MYO7A: variants seen among roughly 807,000 people sequenced by gnomAD.
MYO7A encodes the protein myosin VIIA.
In MYO7A, 210 loss-of-function variants were observed where a neutral mutation model predicts 263.8. The observed-to-expected ratio is 0.80, with a 90% CI of 0.71 to 0.89. MYO7A has a LOEUF of 0.89. Ranked by LOEUF, MYO7A falls within the 40% of genes least tolerant of loss-of-function variation. The pLI is 0.00. For synonymous variants in MYO7A, 1,239 were observed against 1,197.3 expected (o/e 1.03, Z -0.72); for missense variants, 2,820 against 2,968.3 (o/e 0.95, Z 1.16).
At chr11:77,154,073 C>T (rs1555059394) in intron 4 of MYO7A, among the ~76,000 whole-genome samples, 2 of 152,226 alleles carry the variant, frequency 1.3e-5, no homozygotes, top group African/African-American at 4.8e-5. Flanking sequence ...TGAGATTGAG[C>T]CACTGCACCC....
At chr11:77,213,826 G>A in intron 47 of MYO7A, 34 bp from the exon 48 acceptor site, 1 of 1,613,748 alleles carries the variant, frequency 6.2e-7, no homozygotes, top group Non-Finnish European at 8.5e-7. Flanking sequence ...CAGGGCCCAG[G>A]CCGTGCCTCT....
At chr11:77,191,908 G>C in intron 30 of MYO7A, 143 bp from the exon 31 acceptor site, 2 of 667,324 alleles carry the variant, frequency 3.0e-6, no homozygotes, top group Non-Finnish European at 5.1e-6. Flanking sequence ...GCTAGAATCT[G>C]GTCTGCCTCC....
chr11:77,179,761 G>A lies in MYO7A; in HGVS notation c.2394G>A (p.Gln798=). Reference sequence around the variant, plus strand: ...TGCGTCTGGGCTTCCTGCGGCTGCAGGCCCTGCACCGCTCCCGGAAGCTGC... The same window carrying A: ...TGCGTCTGGGCTTCCTGCGGCTGCAAGCCCTGCACCGCTCCCGGAAGCTGC... ...GLMRLGFLRL[Q]ALHRSRKLHQ... The change falls in exon 21 of 49, where the codon CAG becomes CAA. Residue 798 remains glutamine (Q), a synonymous_variant. Transcript: ENST00000409709. 1.3e-6 allele frequency: 2 copies of A among 1,548,836 alleles called. No individual in the cohort carries two copies. Among genetic ancestry groups the A allele is most frequent in the Non-Finnish European group, 1.7e-6 (2 of 1,147,902 alleles).
chr11:77,162,771 CA>C (rs1345692747), intron 13 of MYO7A, 81 bp from the exon 14 acceptor site: 236 of 1,536,666 alleles, frequency 1.5e-4, no homozygotes, highest in Admixed American at 4.9e-4. Flanking sequence ...GAAGAAGAGA[CA>C]GGGGGCAAAG....
chr11:77,130,559 A>G, intron 1 of MYO7A, 30 bp from the exon 2 acceptor site: 4 of 1,571,682 alleles, frequency 2.5e-6, no homozygotes, highest in Non-Finnish European at 3.5e-6. Context: ...TGGCCTGCCC[A>G]GAAGCATGAC....
chr11:77,180,067 T>C, intron 21 of MYO7A, 114 bp downstream of exon 21: 1 of 1,136,970 alleles, frequency 8.8e-7, no homozygotes, highest in Middle Eastern at 3.0e-4. Flanking sequence ...CCTGCAGTTA[T>C]GCCTGCTCTG....
intron 21 of MYO7A, 39 bp from the exon 22 acceptor site, chr11:77,180,335 C>G (rs1367846994): frequency 6.4e-7 from 1 of 1,566,130 alleles, no homozygotes; most frequent in Admixed American, 1.8e-5. Context: ...ACAACAGCTA[C>G]ACACATTTCC....
At chr11:77,187,781 T>C (rs1457068294) in intron 27 of MYO7A, among the ~76,000 whole-genome samples, 8 of 152,220 alleles carry the variant, frequency 5.3e-5, no homozygotes, top group Non-Finnish European at 1.0e-4. Context: ...AATGTGTGCA[T>C]GCTGGTTGGG....
chr11:77,155,700 A>G (rs1017366111), intron 4 of MYO7A, among the ~76,000 whole-genome samples: 2 of 152,210 alleles, frequency 1.3e-5, no homozygotes, highest in Non-Finnish European at 2.9e-5. Flanking sequence ...GTCACTGAGC[A>G]CTAACTCCGA....
intron 48 of MYO7A, among the ~76,000 whole-genome samples, chr11:77,214,348 T>G (rs560759990): frequency 5.3e-5 from 8 of 152,166 alleles, no homozygotes; most frequent in South Asian, 2.1e-4. Flanking sequence ...GTAGGGTCAC[T>G]CTTGGAGGGA....
chr11:77,205,690 C>T, intron 40 of MYO7A, 73 bp downstream of exon 40: 5 of 1,587,236 alleles, frequency 3.2e-6, no homozygotes, highest in South Asian at 2.3e-5. Flanking sequence ...TGGGATGAGC[C>T]CCTTGGGGAT....
intron 40 of MYO7A, among the ~76,000 whole-genome samples, 190 bp from the exon 41 acceptor site, chr11:77,205,907 G>A (rs1206420370): frequency 6.6e-6 from 1 of 152,084 alleles, no homozygotes; most frequent in Non-Finnish European, 1.5e-5. Context: ...CACTTTGCTG[G>A]GCCTCTCCAC....
At chr11:77,214,021 G>A in intron 48 of MYO7A, 42 bp downstream of exon 48, 1 of 1,612,302 alleles carries the variant, frequency 6.2e-7, no homozygotes, top group South Asian at 1.1e-5. Flanking sequence ...TCCCTGCCTT[G>A]CCTGCAGCGT....
rs1284639371 is a variant in MYO7A, at chr11:77,206,297, C to T, written c.5742+95C>T. The stretch of plus-strand genomic sequence containing the variant: ...GTGGCCTTAAGCCTCTCCCCCATCA[C>T]CTGACATTTGCCGCCTCGTCCTCCT... On this transcript the variant is annotated intron_variant, in intron 41 of 48. Transcript: ENST00000409709. 4.3e-5 allele frequency: 40 copies of T among 928,088 alleles called. No individual in the cohort carries two copies. The East Asian group carries it at 1.0e-3, about 24-fold the overall frequency. 57.5% of individuals were successfully genotyped at this position (928,088 alleles called of 1,614,324 possible).
chr11:77,146,435 G>A (rs568197638), intron 3 of MYO7A, among the ~76,000 whole-genome samples: 12 of 152,308 alleles, frequency 7.9e-5, no homozygotes, highest in African/African-American at 2.9e-4. Flanking sequence ...CAAGAGGCCG[G>A]GGCCGGGCCA....
At chr11:77,129,838 C>T (rs528913174) in intron 1 of MYO7A, among the ~76,000 whole-genome samples, 2 of 152,272 alleles carry the variant, frequency 1.3e-5, no homozygotes, top group East Asian at 1.9e-4. Context: ...CAGGAGATGG[C>T]AAGAGCTGGC....
chr11:77,198,766 C>G (rs1367200627), intron 34 of MYO7A, 145 bp downstream of exon 34: 9 of 1,241,118 alleles, frequency 7.3e-6, no homozygotes, highest in Admixed American at 2.2e-5. Context: ...CTGTGCAGAC[C>G]CCTCTGGCAC....
chr11:77,206,178 C>T lies in MYO7A; in HGVS notation c.5718C>T (p.Val1906=). The T allele has an allele frequency of 6.2e-7, 1 of 1,613,042 alleles. No homozygotes were observed. Among genetic ancestry groups the T allele is most frequent in the East Asian group, 2.2e-5 (1 of 44,822 alleles). Residue 1906 remains valine, a synonymous_variant, in exon 41 of 49, where the codon GTC becomes GTT. Coordinates refer to ENST00000409709, the MANE Select transcript of MYO7A (RefSeq NM_000260.4). ...AGACCACCCAGATTTTCCACAAAGT[C>T]TACTTCCCTGATGACACTGACGAGG... ...QHKTTQIFHK[V]YFPDDTDEAF...
rs866162598 is a variant in MYO7A at position 77,202,387 on chromosome 11, C to T, written c.5131C>T (p.Pro1711Ser). The T allele has an allele frequency of 3.9e-6, 6 of 1,555,856 alleles. No individual in the cohort carries two copies. Among genetic ancestry groups the T allele is most frequent in the Non-Finnish European group, 5.2e-6 (6 of 1,149,452 alleles). The change falls in exon 37 of 49, where the codon CCC (proline) becomes TCC (serine). Residue 1711 changes from proline to serine, a missense_variant. Physicochemically the swap from Pro to Ser is moderately conservative, Grantham distance 74 (BLOSUM62 -1). Coordinates refer to ENST00000409709, the MANE Select transcript of MYO7A (RefSeq NM_000260.4). ...GGCGGAGCCCGAGGTGCGTGCCAAG[C>T]CCTACACGCTGGAGGAGTTTTCCTA... is the stretch of plus-strand genomic sequence containing the variant. The part of the protein sequence containing the change: ...RTAEPEVRAK[P>S]YTLEEFSYDY...
Sources: allele counts gnomAD v4.1 joint callset (sites outside exome capture counted in the v4.1 genomes callset), GRCh38; gene constraint gnomAD v4.1.1; transcripts MANE v1.5; gene names NCBI Gene and HGNC (gene_info 2026-07-23, HGNC 2026-07-21).